The following ZNF536 variants were observed in gnomAD, a reference collection of about 807,000 sequenced individuals.
ZNF536 encodes the protein zinc finger protein 536.
Under a neutral mutation model 84.5 loss-of-function variants are expected in ZNF536, and 13 were observed. The observed-to-expected ratio is 0.15, with a 90% CI of 0.10 to 0.24. ZNF536 has a LOEUF of 0.24. ZNF536 is among the 10% of genes least tolerant of loss of function. ZNF536 has a pLI of 1.00. For missense variants in ZNF536, 1,536 were observed against 1,747.5 expected, an observed-to-expected ratio of 0.88 and a Z score of 2.16; for synonymous variants, 811 against 742.5, an observed-to-expected ratio of 1.09 and a Z score of -1.50.
At chr19:30,712,695 G>T (rs779611708) in exon 2 of ZNF536, 1 of 152,208 alleles carries the variant, frequency 6.6e-6, no homozygotes, top group Admixed American at 6.5e-5. Context: ...ATCTGGCATA[G>T]AGCAAGCTGC....
At chr19:30,689,145 C>T (rs1207952564) in intron 1 of ZNF536, among the ~76,000 whole-genome samples, 1 of 152,232 alleles carries the variant, frequency 6.6e-6, no homozygotes, top group Non-Finnish European at 1.5e-5. Flanking sequence ...GGGACTTGTT[C>T]CAGGCTACGC....
rs994810756 is a variant in ZNF536 at position 30,446,390 on chromosome 19, A to G, written c.2170+658A>G. Reference sequence around the variant, plus strand: ...TTGTCCAACCCCATTTCACCGCCTGACGCTGTCGGCCATCATCTGGTCTCT... The same window carrying G: ...TTGTCCAACCCCATTTCACCGCCTGGCGCTGTCGGCCATCATCTGGTCTCT... On this transcript the variant is annotated intron_variant, in intron 2 of 4. Transcript: ENST00000355537. Among the ~76,000 whole-genome samples the G allele has an allele frequency of 4.0e-5, 6 of 151,832 alleles. No individual in the cohort carries two copies. The East Asian group carries it at 9.7e-4, about 24-fold the overall frequency.
At position 30,241,057 on chromosome 19, in the gene ZNF536, C is replaced by T. The variant is rs536197083; in HGVS notation, c.-190+12384C>T. 1.1e-4 allele frequency among the ~76,000 whole-genome samples: 16 copies of T among 152,302 alleles called. No homozygotes were observed. The East Asian group carries it at 2.9e-3, about 28-fold the overall frequency. On this transcript the variant is annotated intron_variant, in intron 1 of 5. Transcript: ENST00000585628. Reference sequence around the variant, plus strand: ...TTCAGGCCTGGGGCAGTGGCTCACACCTTTAATCCCAGCACTTTGGGAGGT... The same window carrying T: ...TTCAGGCCTGGGGCAGTGGCTCACATCTTTAATCCCAGCACTTTGGGAGGT...
intron 2 of ZNF536, among the ~76,000 whole-genome samples, chr19:30,290,071 C>T (rs2045783605): frequency 6.6e-6 from 1 of 152,170 alleles, no homozygotes; most frequent in Non-Finnish European, 1.5e-5. Context: ...ATGCACCTGT[C>T]TGTCTCTGTG....
At chr19:30,440,949 A>T (rs2052017747) in intron 1 of ZNF536, among the ~76,000 whole-genome samples, 1 of 152,126 alleles carries the variant, frequency 6.6e-6, no homozygotes, top group Non-Finnish European at 1.5e-5. Context: ...ATTTGAAAAA[A>T]ATAAAAGAAT....
At chr19:30,391,149 C>T (rs2049571054) in intron 1 of ZNF536, among the ~76,000 whole-genome samples, 1 of 152,160 alleles carries the variant, frequency 6.6e-6, no homozygotes, top group South Asian at 2.1e-4. Flanking sequence ...CCCAACACGG[C>T]CAAATCACTC....
At position 30,549,433 on chromosome 19, in the gene ZNF536, A is replaced by G. The variant is rs2045690717; in HGVS notation, c.3814A>G (p.Ser1272Gly). The G allele has an allele frequency of 6.4e-7, 1 of 1,560,422 alleles. No individual in the cohort carries two copies. The highest frequency in any genetic ancestry group is 8.7e-7 in the Non-Finnish European group (1 of 1,154,332). ...MNMLSVLRAY[S>G]SDGLAAFNGL... ...CATGCTGTCGGTCCTCAGGGCCTAC[A>G]GTTCTGATGGCTTAGCAGCCTTTAA... Residue 1272 changes from serine (S) to glycine (G), a missense_variant, in exon 4 of 5, where the codon AGT (serine) becomes GGT (glycine). By Grantham distance (56) the Ser-to-Gly change is moderately conservative. Coordinates refer to ENST00000355537, the MANE Select transcript of ZNF536 (RefSeq NM_014717.3).
At chr19:30,639,933 A>C (rs1234723415) in intron 1 of ZNF536, among the ~76,000 whole-genome samples, 1 of 152,092 alleles carries the variant, frequency 6.6e-6, no homozygotes, top group Non-Finnish European at 1.5e-5. Flanking sequence ...ACTCTATTAC[A>C]CCTTGAAATT....
At chr19:30,230,516 G>T (rs181377191) in intron 1 of ZNF536, among the ~76,000 whole-genome samples, 2 of 152,304 alleles carry the variant, frequency 1.3e-5, no homozygotes, top group South Asian at 2.1e-4. Flanking sequence ...CTGTCTTCAC[G>T]GAAGACTTAG....
intron 1 of ZNF536, 93 bp from the exon 2 acceptor site, chr19:30,443,468 G>C (rs2148139818): frequency 6.8e-7 from 1 of 1,468,618 alleles, no homozygotes; most frequent in Non-Finnish European, 9.0e-7. Context: ...TGTAGGTAAG[G>C]CATGAAATGG....
At chr19:30,574,578 C>T (rs2046662770) in intron 1 of ZNF536, among the ~76,000 whole-genome samples, 2 of 152,248 alleles carry the variant, frequency 1.3e-5, no homozygotes, top group South Asian at 2.1e-4. Context: ...TCAGCAGAGA[C>T]AGGCGTTGCC....
intron 1 of ZNF536, among the ~76,000 whole-genome samples, chr19:30,383,206 C>T (rs1344563660): frequency 2.0e-5 from 3 of 152,178 alleles, no homozygotes; most frequent in Non-Finnish European, 2.9e-5. Flanking sequence ...AGGAGAATTG[C>T]TTGAACCCAG....
At chr19:30,609,512 A>G (rs1441874019) in intron 1 of ZNF536, among the ~76,000 whole-genome samples, 2 of 152,228 alleles carry the variant, frequency 1.3e-5, no homozygotes, top group African/African-American at 2.4e-5. Flanking sequence ...AATTTTTGCC[A>G]TGGCTCTGAC....
intron 1 of ZNF536, among the ~76,000 whole-genome samples, chr19:30,590,766 A>G (rs1391068889): frequency 2.0e-5 from 3 of 152,162 alleles, no homozygotes; most frequent in Non-Finnish European, 4.4e-5. Flanking sequence ...AGAGGCTTGG[A>G]CTTGATTGCT....
intron 1 of ZNF536, among the ~76,000 whole-genome samples, chr19:30,389,497 C>T (rs936295667): frequency 1.3e-5 from 2 of 152,150 alleles, no homozygotes; most frequent in African/African-American, 4.8e-5. Context: ...CTTCACAGCT[C>T]AGAAATCTCT....
chr19:30,456,314 T>C (rs1483667815), intron 2 of ZNF536, among the ~76,000 whole-genome samples: 18 of 148,646 alleles, frequency 1.2e-4, no homozygotes, highest in East Asian at 5.8e-4. Flanking sequence ...TTTTCTTTTT[T>C]TTTTTTTTTT....
At chr19:30,352,667 C>T (rs1181145484) in intron 3 of ZNF536, among the ~76,000 whole-genome samples, 1 of 152,196 alleles carries the variant, frequency 6.6e-6, no homozygotes, top group Non-Finnish European at 1.5e-5. Context: ...CCAGTAAGCT[C>T]TCGGTGAGTG....
intron 2 of ZNF536, among the ~76,000 whole-genome samples, chr19:30,517,694 AT>A (rs1480708548): frequency 2.0e-5 from 3 of 152,110 alleles, no homozygotes; most frequent in Admixed American, 6.5e-5. Flanking sequence ...ACACGGGAGG[AT>A]TGTTGGAGCC....
At chr19:30,477,708 A>G (rs1437858919) in intron 2 of ZNF536, among the ~76,000 whole-genome samples, 1 of 152,204 alleles carries the variant, frequency 6.6e-6, no homozygotes, top group East Asian at 1.9e-4. Flanking sequence ...TTTGCTGAAG[A>G]CAGCAGTGGC....
Sources: gnomAD v4.1 joint callset for allele counts (sites outside exome capture counted in the v4.1 genomes callset) on GRCh38, gnomAD v4.1.1 for gene constraint, MANE v1.5 for transcripts, NCBI Gene and HGNC (gene_info 2026-07-23, HGNC 2026-07-21) for gene names.